Variants in CDK6 observed in about 807,000 individuals in gnomAD.
The protein encoded by CDK6 is cyclin-dependent kinase 6.
A neutral mutation model predicts 37.1 loss-of-function variants in CDK6; 6 were observed. That is an observed-to-expected ratio of 0.16 (90% confidence interval 0.09 to 0.32). The LOEUF (loss-of-function observed/expected upper bound fraction) is 0.32, where lower values mean the gene tolerates loss of function less well. Among genes scored for constraint, CDK6 ranks in the 10% least tolerant of loss-of-function variants. The pLI, the probability that CDK6 is intolerant of heterozygous loss-of-function variation, is 1.00. For missense variants in CDK6, 224 were observed against 418.9 expected (o/e 0.53, Z 4.06); for synonymous variants, 160 against 161.3 (o/e 0.99, Z 0.06).
chr7:92,694,944 A>C (rs1797674787), intron 4 of CDK6, among the ~76,000 whole-genome samples: 1 of 152,122 alleles, frequency 6.6e-6, no homozygotes, highest in African/African-American at 2.4e-5. Context: ...GAAAAAGATG[A>C]TCTCAAATGA....
intron 5 of CDK6, among the ~76,000 whole-genome samples, chr7:92,633,953 C>A (rs1012182443): frequency 6.6e-6 from 1 of 152,124 alleles, no homozygotes; most frequent in Non-Finnish European, 1.5e-5. Flanking sequence ...AAGGATATTA[C>A]ACCTTTGTCA....
chr7:92,797,260 A>G (rs1800438291), intron 2 of CDK6, among the ~76,000 whole-genome samples: 1 of 152,152 alleles, frequency 6.6e-6, no homozygotes, highest in Admixed American at 6.6e-5. Context: ...TCCAGGTTCC[A>G]TGTCCACAAT....
intron 3 of CDK6, among the ~76,000 whole-genome samples, chr7:92,737,475 T>C (rs1344850431): frequency 1.3e-5 from 2 of 152,344 alleles, no homozygotes; most frequent in East Asian, 3.9e-4. Flanking sequence ...TTTTTCCCTA[T>C]ACCTGGACAG....
chr7:92,660,082 G>A (rs1796802317), intron 5 of CDK6, among the ~76,000 whole-genome samples: 1 of 152,180 alleles, frequency 6.6e-6, no homozygotes, highest in African/African-American at 2.4e-5. Flanking sequence ...TCCAGAGGTT[G>A]ATGGTTTGCC....
intron 4 of CDK6, among the ~76,000 whole-genome samples, chr7:92,721,995 AAGG>A (rs1050439316): frequency 2.6e-5 from 4 of 152,226 alleles, no homozygotes; most frequent in Non-Finnish European, 4.4e-5. Flanking sequence ...CTCAGAAATT[AAGG>A]AGAAGTAGTA....
At chr7:92,766,348 T>C (rs184710910) in intron 3 of CDK6, among the ~76,000 whole-genome samples, 297 of 152,134 alleles carry the variant, frequency 2.0e-3, no homozygotes, top group Middle Eastern at 3.4e-3. Context: ...TACTGATGGA[T>C]TGGATGAAGA....
At chr7:92,828,978 C>T (rs1801407102) in intron 2 of CDK6, among the ~76,000 whole-genome samples, 1 of 152,094 alleles carries the variant, frequency 6.6e-6, no homozygotes, top group African/African-American at 2.4e-5. Flanking sequence ...CCTGCTTTTC[C>T]TGCTTTTATT....
intron 2 of CDK6, among the ~76,000 whole-genome samples, chr7:92,827,602 TCCACCAAAC>T (rs1391871145): frequency 6.6e-6 from 1 of 152,182 alleles, no homozygotes; most frequent in Non-Finnish European, 1.5e-5. Context: ...GCCTGCCTGC[TCCACCAAAC>T]CTAGCATCTA....
chr7:92,626,170 G>A (rs990746276), intron 5 of CDK6, among the ~76,000 whole-genome samples: 3 of 151,960 alleles, frequency 2.0e-5, no homozygotes, highest in Non-Finnish European at 4.4e-5. Flanking sequence ...TGATTACCCA[G>A]TAAGTACATG....
chr7:92,699,970 A>C (rs1797805969), intron 4 of CDK6, among the ~76,000 whole-genome samples: 1 of 152,204 alleles, frequency 6.6e-6, no homozygotes, highest in African/African-American at 2.4e-5. Context: ...AATTATATGG[A>C]TAAGGTACAT....
At chr7:92,708,569 A>G (rs181725171) in intron 4 of CDK6, among the ~76,000 whole-genome samples, 24 of 152,366 alleles carry the variant, frequency 1.6e-4, no homozygotes, top group African/African-American at 5.8e-4. Context: ...CTAATTAATT[A>G]GAACATAACC....
At chr7:92,781,611 C>T (rs1799993873) in intron 2 of CDK6, among the ~76,000 whole-genome samples, 1 of 152,180 alleles carries the variant, frequency 6.6e-6, no homozygotes, top group Non-Finnish European at 1.5e-5. Flanking sequence ...AAAGGGAAAT[C>T]TGTCTTATTT....
chr7:92,716,350 A>G (rs888655755), intron 4 of CDK6, among the ~76,000 whole-genome samples: 7 of 152,194 alleles, frequency 4.6e-5, no homozygotes, highest in Admixed American at 3.9e-4. Context: ...GGTAGGTTGG[A>G]GCTGAGCTTC....
chr7:92,732,610 A>AAGAT (rs148170495), intron 3 of CDK6, among the ~76,000 whole-genome samples: 14,746 of 152,154 alleles, frequency 0.097, 809 homozygotes, highest in South Asian at 0.22. Flanking sequence ...TGTGATATAG[A>AAGAT]AGATACTGCT....
intron 5 of CDK6, among the ~76,000 whole-genome samples, chr7:92,661,872 AGT>A (rs767018702): frequency 5.9e-4 from 90 of 152,228 alleles, no homozygotes; most frequent in Non-Finnish European, 9.6e-4. Context: ...GCTCACAGTA[AGT>A]GTGCAATAAA....
intron 3 of CDK6, among the ~76,000 whole-genome samples, chr7:92,757,620 T>C (rs535268196): frequency 6.6e-5 from 10 of 152,348 alleles, no homozygotes; most frequent in African/African-American, 2.4e-4. Flanking sequence ...AACATTCACA[T>C]GCATGTGTCT....
intron 2 of CDK6, among the ~76,000 whole-genome samples, chr7:92,808,454 C>T (rs938666586): frequency 6.6e-6 from 1 of 152,190 alleles, no homozygotes; most frequent in Admixed American, 6.5e-5. Context: ...ACAGACAGAT[C>T]TGAAACAAAT....
chr7:92,712,170 A>AG (rs967387027), intron 4 of CDK6, among the ~76,000 whole-genome samples: 5 of 151,976 alleles, frequency 3.3e-5, no homozygotes, highest in African/African-American at 1.2e-4. Flanking sequence ...AAAAAAAAAA[A>AG]AAGAACCATG....
chr7:92,646,833 A>G (rs1323136369), intron 5 of CDK6, among the ~76,000 whole-genome samples: 3 of 152,210 alleles, frequency 2.0e-5, no homozygotes, highest in East Asian at 3.8e-4. Context: ...TAGAACTACC[A>G]AAGGAATAAT....
Sources: allele counts gnomAD v4.1 joint callset (sites outside exome capture counted in the v4.1 genomes callset), GRCh38; gene constraint gnomAD v4.1.1; transcripts MANE v1.5; gene names NCBI Gene and HGNC (gene_info 2026-07-23, HGNC 2026-07-21).